Variants in PTPRM observed in about 807,000 individuals in gnomAD.
The protein encoded by PTPRM is receptor-type tyrosine-protein phosphatase mu.
Under a neutral mutation model 186.7 loss-of-function variants are expected in PTPRM, and 47 were observed. That is an observed-to-expected ratio of 0.25 (90% confidence interval 0.20 to 0.32). The LOEUF is 0.32. Ranked by LOEUF, PTPRM falls within the 10% of genes least tolerant of loss-of-function variation. The pLI, the probability that PTPRM is intolerant of heterozygous loss-of-function variation, is 1.00. For missense variants in PTPRM, 1,494 were observed against 1,865.0 expected (o/e 0.80, Z 3.66); for synonymous variants, 668 against 674.9 (o/e 0.99, Z 0.16).
intron 7 of PTPRM, among the ~76,000 whole-genome samples, chr18:8,046,141 G>A (rs888696380): frequency 2.6e-5 from 4 of 152,136 alleles, no homozygotes; most frequent in Admixed American, 2.6e-4. Context: ...TGTCTCTGCT[G>A]CCACCCTGTG....
At chr18:8,218,081 T>C (rs1465861190) in intron 14 of PTPRM, among the ~76,000 whole-genome samples, 2 of 152,184 alleles carry the variant, frequency 1.3e-5, no homozygotes, top group African/African-American at 4.8e-5. Context: ...CAGCAGAAAT[T>C]AGATTGTGGT....
chr18:8,078,371 C>T (rs117373160), intron 9 of PTPRM, among the ~76,000 whole-genome samples: 3,689 of 152,308 alleles, frequency 0.024, 69 homozygotes, highest in Non-Finnish European at 0.037. Context: ...TGGAGAATCA[C>T]AGACTTCTGA....
At chr18:8,062,758 G>T (rs2088649541) in intron 7 of PTPRM, among the ~76,000 whole-genome samples, 1 of 81,630 alleles carries the variant, frequency 1.2e-5, no homozygotes. Context: ...GTGCCTCCCA[G>T]TTAGGCTGCT....
chr18:7,696,933 G>A (rs1347774207), intron 1 of PTPRM, among the ~76,000 whole-genome samples: 2 of 152,122 alleles, frequency 1.3e-5, no homozygotes, highest in Non-Finnish European at 2.9e-5. Flanking sequence ...TCTTTACTGT[G>A]CGGGCTTTAT....
intron 23 of PTPRM, among the ~76,000 whole-genome samples, chr18:8,362,805 G>T (rs969549659): frequency 6.6e-6 from 1 of 152,318 alleles, no homozygotes; most frequent in Middle Eastern, 3.4e-3. Flanking sequence ...ACAAGGAAAA[G>T]AATTGAGTTA....
chr18:7,641,773 A>T (rs988570489), intron 1 of PTPRM, among the ~76,000 whole-genome samples: 2 of 152,262 alleles, frequency 1.3e-5, no homozygotes, highest in East Asian at 3.8e-4. Flanking sequence ...TGAAACATTT[A>T]TTGTATACTT....
chr18:7,644,795 A>G (rs552808840), intron 1 of PTPRM, among the ~76,000 whole-genome samples: 2 of 152,296 alleles, frequency 1.3e-5, no homozygotes, highest in South Asian at 4.1e-4. Flanking sequence ...TAATTAGCAC[A>G]CCTATGCTCT....
intron 2 of PTPRM, among the ~76,000 whole-genome samples, chr18:7,779,084 T>A (rs561979147): frequency 7.9e-5 from 12 of 152,298 alleles, no homozygotes; most frequent in South Asian, 4.1e-4. Context: ...AAAAAAATTA[T>A]CAAATTCATC....
At chr18:8,394,771 G>A (rs964827434) in intron 32 of PTPRM, among the ~76,000 whole-genome samples, 160 bp downstream of exon 32, 1 of 152,018 alleles carries the variant, frequency 6.6e-6, no homozygotes, top group Non-Finnish European at 1.5e-5. Context: ...CTTCTTTCTT[G>A]TTCTCCCTCT....
intron 7 of PTPRM, among the ~76,000 whole-genome samples, chr18:7,973,167 T>G (rs1297263620): frequency 2.6e-5 from 4 of 152,152 alleles, no homozygotes; most frequent in Non-Finnish European, 2.9e-5. Context: ...GTTTTGTTCA[T>G]TAATAAAGGG....
chr18:7,647,539 TTTTGG>T (rs1307339245), intron 1 of PTPRM, among the ~76,000 whole-genome samples: 1 of 152,124 alleles, frequency 6.6e-6, no homozygotes, highest in Non-Finnish European at 1.5e-5. Context: ...GATGGTGAAA[TTTTGG>T]TTCTACTTTA....
At chr18:7,662,092 G>A (rs1045513222) in intron 1 of PTPRM, among the ~76,000 whole-genome samples, 1 of 147,246 alleles carries the variant, frequency 6.8e-6, no homozygotes, top group African/African-American at 2.7e-5. Flanking sequence ...CACCATGCCT[G>A]GCTAAATTTT....
intron 10 of PTPRM, among the ~76,000 whole-genome samples, chr18:8,087,772 T>G (rs750681958): frequency 3.3e-5 from 5 of 152,168 alleles, no homozygotes; most frequent in Non-Finnish European, 7.4e-5. Context: ...TATAAACAAA[T>G]CTTTTTGTAT....
chr18:8,253,555 T>C (rs2094548705), intron 19 of PTPRM, 141 bp downstream of exon 19: 12 of 801,714 alleles, frequency 1.5e-5, no homozygotes, highest in Non-Finnish European at 2.1e-5. Flanking sequence ...CAGTTGTCCC[T>C]CAGTATTCTG....
At chr18:7,882,684 T>C (rs1286326663) in intron 2 of PTPRM, among the ~76,000 whole-genome samples, 1 of 152,238 alleles carries the variant, frequency 6.6e-6, no homozygotes, top group Non-Finnish European at 1.5e-5. Flanking sequence ...GAAGAAGCCA[T>C]GTAACTCTTT....
rs370119680 is a variant in PTPRM, at chr18:7,881,053, C to CT, written c.197-7045dup. 5.3e-3 allele frequency among the ~76,000 whole-genome samples: 798 copies of CT among 151,892 alleles called. 8 individuals are homozygous for CT. The highest frequency in any genetic ancestry group is 0.018 in the African/African-American group (756 of 41,426). ...ACATGGTTAGAAGCGTAGTGGTACA[C>CT]TTTTTTTTAATGAAAGCCTGGGTAT... On this transcript the variant is annotated intron_variant, in intron 2 of 32. Transcript: ENST00000580170.
intron 7 of PTPRM, among the ~76,000 whole-genome samples, chr18:7,994,489 G>C (rs1440765085): frequency 1.3e-5 from 2 of 152,044 alleles, no homozygotes; most frequent in Non-Finnish European, 2.9e-5. Context: ...CCTAGCAGAC[G>C]TTACAGAACC....
intron 7 of PTPRM, among the ~76,000 whole-genome samples, chr18:8,063,049 C>A (rs1308479223): frequency 1.3e-5 from 2 of 150,936 alleles, no homozygotes; most frequent in East Asian, 3.9e-4. Context: ...GGGCGCCCCT[C>A]CCCCAGCCTC....
At chr18:7,752,988 T>A (rs2041293501) in intron 1 of PTPRM, among the ~76,000 whole-genome samples, 1 of 152,052 alleles carries the variant, frequency 6.6e-6, no homozygotes, top group Non-Finnish European at 1.5e-5. Flanking sequence ...GTTTAATGAT[T>A]TGGGGGGAGG....
Sources: gnomAD v4.1 joint callset for allele counts (sites outside exome capture counted in the v4.1 genomes callset) on GRCh38, gnomAD v4.1.1 for gene constraint, MANE v1.5 for transcripts, NCBI Gene and HGNC (gene_info 2026-07-23, HGNC 2026-07-21) for gene names.